The following SEMA5A variants were observed in gnomAD, a reference collection of about 807,000 sequenced individuals.
SEMA5A encodes semaphorin-5A.
Under a neutral mutation model 135.5 loss-of-function variants are expected in SEMA5A, and 55 were observed. The ratio of observed to expected loss-of-function variants is 0.41; its 90% CI spans 0.33 to 0.51. SEMA5A has a LOEUF of 0.51. Among genes scored for constraint, SEMA5A ranks in the 20% least tolerant of loss-of-function variants. The pLI, the probability that SEMA5A is intolerant of heterozygous loss-of-function variation, is 0.37. For missense variants in SEMA5A, 1,290 were observed against 1,419.9 expected, an observed-to-expected ratio of 0.91 and a Z score of 1.47; for synonymous variants, 580 against 546.5, an observed-to-expected ratio of 1.06 and a Z score of -0.85.
Position 9,510,317 on chromosome 5 carries a change from A to T in SEMA5A, c.-175+35267T>A, listed in dbSNP as rs186694383. Reference sequence around the variant, plus strand: ...TAATACAACAAACGTTTATTGCTTTATTGGGAGAATTAGTGTGTATTTGAA... The same window carrying T: ...TAATACAACAAACGTTTATTGCTTTTTTGGGAGAATTAGTGTGTATTTGAA... On this transcript the variant is annotated intron_variant, in intron 1 of 22. Coordinates refer to ENST00000382496, the MANE Select transcript of SEMA5A (RefSeq NM_003966.3). Among the ~76,000 whole-genome samples, 6 of 152,338 alleles carry T rather than the reference A, an allele frequency of 3.9e-5. No individual in the cohort carries two copies. In the East Asian group the frequency reaches 1.2e-3, roughly 29 times the overall value.
intron 1 of SEMA5A, among the ~76,000 whole-genome samples, chr5:9,451,547 C>T (rs770342286): frequency 2.6e-5 from 4 of 152,170 alleles, no homozygotes; most frequent in Non-Finnish European, 5.9e-5. Context: ...ATGTTGGTGA[C>T]AGCTGCTTAT....
intron 2 of SEMA5A, among the ~76,000 whole-genome samples, chr5:9,382,160 C>T (rs2126489647): frequency 6.6e-6 from 1 of 152,138 alleles, no homozygotes; most frequent in African/African-American, 2.4e-5. Flanking sequence ...ATTAGCCAGG[C>T]ATAGTTGTGT....
At chr5:9,473,159 G>C (rs1579597929) in intron 1 of SEMA5A, among the ~76,000 whole-genome samples, 1 of 134,092 alleles carries the variant, frequency 7.5e-6, no homozygotes, top group Non-Finnish European at 1.6e-5. Flanking sequence ...CAAAATAAAG[G>C]AACTAAGTCA....
chr5:9,457,272 A>G (rs777845271), intron 1 of SEMA5A, among the ~76,000 whole-genome samples: 1 of 152,248 alleles, frequency 6.6e-6, no homozygotes, highest in Non-Finnish European at 1.5e-5. Context: ...TCCTCAGAGG[A>G]GTAGAAATCG....
intron 11 of SEMA5A, among the ~76,000 whole-genome samples, chr5:9,177,756 G>T (rs1347514481): frequency 6.6e-6 from 1 of 152,126 alleles, no homozygotes; most frequent in East Asian, 1.9e-4. Context: ...AGGGTTATGT[G>T]GATTTTGACT....
intron 1 of SEMA5A, among the ~76,000 whole-genome samples, chr5:9,504,179 C>T (rs1735741491): frequency 6.9e-6 from 1 of 145,646 alleles, no homozygotes; most frequent in Non-Finnish European, 1.5e-5. Flanking sequence ...CACGCCACTC[C>T]ACTCCAGCCT....
intron 5 of SEMA5A, among the ~76,000 whole-genome samples, chr5:9,312,144 C>A (rs998418978): frequency 2.6e-5 from 4 of 152,004 alleles, no homozygotes; most frequent in African/African-American, 9.7e-5. Flanking sequence ...CTGAGGCCAG[C>A]TCCATTTTTA....
At chr5:9,362,699 GC>G (rs1340147584) in intron 3 of SEMA5A, among the ~76,000 whole-genome samples, 1 of 152,106 alleles carries the variant, frequency 6.6e-6, no homozygotes, top group Non-Finnish European at 1.5e-5. Context: ...TAATGTACTT[GC>G]CCCCATGGTT....
intron 5 of SEMA5A, among the ~76,000 whole-genome samples, chr5:9,305,882 A>G (rs954966251): frequency 6.6e-6 from 1 of 152,068 alleles, no homozygotes; most frequent in African/African-American, 2.4e-5. Context: ...CCAGAATTGC[A>G]CTACTGTCTT....
chr5:9,400,753 G>A (rs149922342), intron 2 of SEMA5A, among the ~76,000 whole-genome samples: 1,762 of 58,608 alleles, frequency 0.03, 477 homozygotes, highest in Non-Finnish European at 0.046. Context: ...TGATCCGCCC[G>A]CCTCGGCCTC....
chr5:9,358,213 T>C (rs1754537514), intron 3 of SEMA5A, among the ~76,000 whole-genome samples: 1 of 152,200 alleles, frequency 6.6e-6, no homozygotes, highest in Non-Finnish European at 1.5e-5. Context: ...TCAGCATCTC[T>C]AACATGAAAC....
At chr5:9,357,026 T>C (rs1754481112) in intron 3 of SEMA5A, among the ~76,000 whole-genome samples, 1 of 152,116 alleles carries the variant, frequency 6.6e-6, no homozygotes, top group African/African-American at 2.4e-5. Flanking sequence ...TTCTGAAAAA[T>C]CATTTTCCTT....
chr5:9,305,707 C>CGT (rs1315889411), intron 5 of SEMA5A, among the ~76,000 whole-genome samples: 2,989 of 42,680 alleles, frequency 0.07, 142 homozygotes, highest in African/African-American at 0.14. Flanking sequence ...TGTGTGTGTG[C>CGT]GTATATATAT....
In SEMA5A at chr5:9,522,931, C is replaced by T. The variant is rs1048213402; in HGVS notation, c.-175+22653G>A. 5.3e-5 allele frequency: 8 copies of T among 152,204 alleles called. 1 individual carries two copies. Among genetic ancestry groups the T allele is most frequent in the Non-Finnish European group, 1.0e-4 (7 of 68,014 alleles). 9.4% of individuals were successfully genotyped at this position (152,204 alleles called of 1,614,324 possible). ...ATGTTATTAAACAGTTTCTCTAGGG[C>T]CATTTTTACTTCTCTAAATGATGAC... On this transcript the variant is annotated intron_variant, in intron 1 of 22. Transcript: ENST00000382496.
rs1751070758 is a variant in SEMA5A, at chr5:9,291,412, T to C, written c.270+26960A>G. ...AATAAAATATGACCGAAGAGCTCCT[T>C]TGCCAGTTCCAGGCATGGCCTTAAC... On this transcript the variant is annotated intron_variant, in intron 5 of 22. Coordinates refer to ENST00000382496, the MANE Select transcript of SEMA5A (RefSeq NM_003966.3). Among the ~76,000 whole-genome samples the C allele has an allele frequency of 3.3e-5, 5 of 152,330 alleles. 1 individual carries two copies. In the South Asian group the frequency reaches 1.0e-3, roughly 32 times the overall value.
intron 8 of SEMA5A, among the ~76,000 whole-genome samples, chr5:9,221,284 G>T (rs1746940590): frequency 6.6e-6 from 1 of 151,336 alleles, no homozygotes; most frequent in Admixed American, 6.6e-5. Flanking sequence ...AAGAGAAAAG[G>T]CATCCGAACA....
At chr5:9,244,508 C>T (rs1022540230) in intron 5 of SEMA5A, among the ~76,000 whole-genome samples, 27 of 152,284 alleles carry the variant, frequency 1.8e-4, no homozygotes, top group East Asian at 5.8e-4. Flanking sequence ...CAAGTGTGAG[C>T]TCCTCGCTGG....
At chr5:9,096,741 C>G (rs1014901678) in intron 16 of SEMA5A, among the ~76,000 whole-genome samples, 4 of 151,884 alleles carry the variant, frequency 2.6e-5, no homozygotes, top group African/African-American at 9.7e-5. Context: ...ACTCATACAA[C>G]ATGATAAAAA....
At chr5:9,129,791 A>G (rs944671302) in intron 13 of SEMA5A, among the ~76,000 whole-genome samples, 4 of 152,160 alleles carry the variant, frequency 2.6e-5, no homozygotes, top group African/African-American at 9.7e-5. Flanking sequence ...TGTGCTTTAC[A>G]TGTATTAACT....
Sources: allele counts gnomAD v4.1 joint callset (sites outside exome capture counted in the v4.1 genomes callset), GRCh38; gene constraint gnomAD v4.1.1; transcripts MANE v1.5; gene names NCBI Gene and HGNC (gene_info 2026-07-23, HGNC 2026-07-21).